The following LGR5 variants were observed in gnomAD, a reference collection of about 807,000 sequenced individuals.
The protein encoded by LGR5 is leucine-rich repeat-containing G protein-coupled receptor 5.
LGR5 carries 54 observed loss-of-function variants against 76.7 expected under a neutral mutation model. That is an observed-to-expected ratio of 0.70 (90% CI 0.57 to 0.88). LGR5 has a LOEUF of 0.88. Ranked by LOEUF, LGR5 falls within the 40% of genes least tolerant of loss-of-function variation. The pLI is 0.00. For synonymous variants in LGR5, 406 were observed against 421.9 expected, an observed-to-expected ratio of 0.96 and a Z score of 0.46; for missense variants, 1,078 against 1,073.3, an observed-to-expected ratio of 1.00 and a Z score of -0.06.
intron 4 of LGR5, among the ~76,000 whole-genome samples, chr12:71,549,053 G>A (rs1229265271): frequency 1.3e-5 from 2 of 152,204 alleles, no homozygotes; most frequent in Non-Finnish European, 2.9e-5. Context: ...AATAGAGAAT[G>A]TTCAGCTGCC....
At chr12:71,476,541 T>A (rs1281576353) in intron 1 of LGR5, among the ~76,000 whole-genome samples, 2 of 152,308 alleles carry the variant, frequency 1.3e-5, no homozygotes, top group South Asian at 2.1e-4. Flanking sequence ...GAGCCCTGAA[T>A]ACTTTTTTGT....
intron 1 of LGR5, among the ~76,000 whole-genome samples, chr12:71,496,950 G>T (rs1013780558): frequency 6.6e-6 from 1 of 152,252 alleles, no homozygotes; most frequent in South Asian, 2.1e-4. Context: ...GGGAACATGA[G>T]GGGGTTCTGA....
At chr12:71,506,482 GA>G (rs903097527) in intron 2 of LGR5, among the ~76,000 whole-genome samples, 17 of 151,552 alleles carry the variant, frequency 1.1e-4, no homozygotes, top group African/African-American at 3.6e-4. Flanking sequence ...AAAGATAGTT[GA>G]AAAAAAATCA....
At chr12:71,466,617 G>A (rs1312441572) in intron 1 of LGR5, among the ~76,000 whole-genome samples, 1 of 150,476 alleles carries the variant, frequency 6.6e-6, no homozygotes, top group Middle Eastern at 3.2e-3. Context: ...TAGATTCCCT[G>A]CCAAAAAAAA....
chr12:71,567,078 A>C (rs1878387985), intron 11 of LGR5, 166 bp downstream of exon 11: 1 of 624,842 alleles, frequency 1.6e-6, no homozygotes, highest in Non-Finnish European at 2.9e-6. Flanking sequence ...GCTCTCTGAC[A>C]TGATCCTGGT....
intron 4 of LGR5, among the ~76,000 whole-genome samples, chr12:71,536,469 A>C (rs1237355896): frequency 6.6e-6 from 1 of 152,082 alleles, no homozygotes; most frequent in African/African-American, 2.4e-5. Context: ...GTGGTATGAG[A>C]TAGGTCTGTT....
rs372935508 is a variant in LGR5, at chr12:71,562,987, A to T, written c.857+1135A>T. ...GTTTTAAAGTACATTGACAATAAACATTAGCCCTCATTAGAGCGTATTTGC... is the reference window on the plus strand; with the variant it reads ...GTTTTAAAGTACATTGACAATAAACTTTAGCCCTCATTAGAGCGTATTTGC... On this transcript the variant is annotated intron_variant, in intron 8 of 17. Coordinates refer to ENST00000266674, the MANE Select transcript of LGR5 (RefSeq NM_003667.4). Among the ~76,000 whole-genome samples, 4 of 152,360 alleles carry T rather than the reference A, an allele frequency of 2.6e-5. No homozygotes were observed. In the East Asian group the frequency reaches 5.8e-4, roughly 22 times the overall value.
intron 2 of LGR5, among the ~76,000 whole-genome samples, chr12:71,511,314 T>C (rs1010847351): frequency 6.6e-6 from 1 of 152,176 alleles, no homozygotes; most frequent in Admixed American, 6.5e-5. Context: ...TTATTTATTC[T>C]TTATCTAAAC....
chr12:71,575,758 GTA>G (rs1565775201), intron 13 of LGR5, among the ~76,000 whole-genome samples: 1 of 145,904 alleles, frequency 6.9e-6, no homozygotes, highest in African/African-American at 2.5e-5. Context: ...GTGTGTGTGT[GTA>G]TCATTCTATT....
intron 2 of LGR5, among the ~76,000 whole-genome samples, chr12:71,506,358 C>T (rs1323730874): frequency 6.6e-6 from 1 of 152,076 alleles, no homozygotes; most frequent in Admixed American, 6.6e-5. Flanking sequence ...AAATAATTCA[C>T]TTCCCCAAGG....
intron 4 of LGR5, among the ~76,000 whole-genome samples, chr12:71,542,497 G>A (rs1368669733): frequency 6.6e-6 from 1 of 152,240 alleles, no homozygotes; most frequent in East Asian, 1.9e-4. Context: ...TGGCAGGTGG[G>A]GGTACTCAGA....
intron 13 of LGR5, among the ~76,000 whole-genome samples, chr12:71,573,199 A>C (rs955700525): frequency 1.1e-4 from 17 of 152,224 alleles, no homozygotes; most frequent in African/African-American, 3.9e-4. Context: ...TTCTGTCCAC[A>C]ACCTGGAATC....
At chr12:71,549,277 C>T (rs192793119) in intron 4 of LGR5, among the ~76,000 whole-genome samples, 2 of 125,252 alleles carry the variant, frequency 1.6e-5, no homozygotes, top group Admixed American at 7.8e-5. Flanking sequence ...GAATAGTGGT[C>T]GCCAGGGGCT....
chr12:71,559,850 G>T (rs758767633), intron 7 of LGR5, among the ~76,000 whole-genome samples, 196 bp downstream of exon 7: 2 of 149,990 alleles, frequency 1.3e-5, no homozygotes, highest in South Asian at 2.1e-4. Context: ...TATTTATGCG[G>T]GGTTTTTCTA....
intron 11 of LGR5, among the ~76,000 whole-genome samples, chr12:71,568,255 G>A (rs1237293723): frequency 6.6e-6 from 1 of 152,200 alleles, no homozygotes; most frequent in Non-Finnish European, 1.5e-5. Flanking sequence ...CAAAGGCTGT[G>A]GAGCCAACTT....
intron 1 of LGR5, among the ~76,000 whole-genome samples, chr12:71,492,356 T>C (rs953581266): frequency 6.6e-5 from 10 of 152,236 alleles, no homozygotes; most frequent in African/African-American, 2.4e-4. Context: ...TAAGAAGGCA[T>C]GCTTCTCTGA....
intron 1 of LGR5, among the ~76,000 whole-genome samples, chr12:71,478,299 T>C (rs563903325): frequency 2.2e-4 from 34 of 152,344 alleles, no homozygotes; most frequent in African/African-American, 7.5e-4. Context: ...GAATGTTCTA[T>C]GGCAGACGTT....
At chr12:71,561,439 A>G (rs1204655547) in intron 7 of LGR5, among the ~76,000 whole-genome samples, 1 of 152,256 alleles carries the variant, frequency 6.6e-6, no homozygotes, top group Non-Finnish European at 1.5e-5. Flanking sequence ...AGGAGTGATC[A>G]TAATCTCTCC....
At position 71,566,717 on chromosome 12, in the gene LGR5, C is replaced by G; in HGVS notation, c.998+17C>G. On this transcript the variant is annotated intron_variant, in intron 10 of 17. Transcript: ENST00000266674. Reference sequence around the variant, plus strand: ...GGAGAGTCTGTAAGTACTGAGTAGACTCTTGACTTTGCCCAGAACATACAC... The same window carrying G: ...GGAGAGTCTGTAAGTACTGAGTAGAGTCTTGACTTTGCCCAGAACATACAC... 6.2e-7 allele frequency: 1 copy of G among 1,606,654 alleles called. No homozygotes were observed. Among genetic ancestry groups the G allele is most frequent in the African/African-American group, 1.3e-5 (1 of 74,860 alleles).
Sources: allele counts gnomAD v4.1 joint callset (sites outside exome capture counted in the v4.1 genomes callset), GRCh38; gene constraint gnomAD v4.1.1; transcripts MANE v1.5; gene names NCBI Gene and HGNC (gene_info 2026-07-23, HGNC 2026-07-21).